HMBOX1: variants seen among roughly 807,000 people sequenced by gnomAD.
HMBOX1 encodes the protein homeobox-containing protein 1.
Under a neutral mutation model 54.5 loss-of-function variants are expected in HMBOX1, and 14 were observed. The observed-to-expected ratio is 0.26, with a 90% confidence interval of 0.17 to 0.40. HMBOX1 has a LOEUF of 0.40. HMBOX1 is among the 10% of genes least tolerant of loss of function. The probability of loss-of-function intolerance (pLI) is 1.00; values close to 1 mark genes in which losing one functional copy is unlikely to be tolerated. For synonymous variants in HMBOX1, 160 were observed against 181.0 expected (o/e 0.88, Z 0.93); for missense variants, 332 against 514.4 (o/e 0.65, Z 3.43).
Position 29,052,160 on chromosome 8 carries a change from T to A in HMBOX1, c.*1005T>A, listed in dbSNP as rs560813497. The A allele has an allele frequency of 6.5e-6, 1 of 153,458 alleles. No individual in the cohort carries two copies. Among genetic ancestry groups the A allele is most frequent in the East Asian group, 1.9e-4 (1 of 5,202 alleles). The allele number at this position is 153,458 out of a possible 1,614,324, so 9.5% of individuals were successfully genotyped here. On this transcript the variant is annotated 3_prime_UTR_variant, in exon 10 of 10. Transcript: ENST00000287701. ...AGTGAAAAAACTTGCAGTGTTTGTATCCATTAAACGGAAGCCCCCTCACTC... is the reference window on the plus strand; with the variant it reads ...AGTGAAAAAACTTGCAGTGTTTGTAACCATTAAACGGAAGCCCCCTCACTC...
chr8:28,957,848 C>T (rs1370782615), intron 1 of HMBOX1, among the ~76,000 whole-genome samples: 1 of 152,106 alleles, frequency 6.6e-6, no homozygotes, highest in Non-Finnish European at 1.5e-5. Context: ...GTCTCGAGCT[C>T]TTGACCTCAA....
intron 4 of HMBOX1, among the ~76,000 whole-genome samples, chr8:29,008,553 A>G (rs780209462): frequency 1.4e-4 from 21 of 152,294 alleles, no homozygotes; most frequent in Non-Finnish European, 2.6e-4. Context: ...GAATTAACAA[A>G]TAAGCCAAAA....
At position 29,028,766 on chromosome 8, in the gene HMBOX1, G is replaced by A. The variant is rs187089340; in HGVS notation, c.851+9853G>A. On this transcript the variant is annotated intron_variant, in intron 6 of 9. Coordinates refer to ENST00000287701, the MANE Select transcript of HMBOX1 (RefSeq NM_001135726.3). ...GATCTGCAGTAATACTTTCATATGT[G>A]TAAATAATGACAAAAGAGACTCATA... 4.6e-5 allele frequency among the ~76,000 whole-genome samples: 7 copies of A among 152,266 alleles called. No individual in the cohort carries two copies. In the East Asian group the frequency reaches 1.2e-3, roughly 25 times the overall value.
intron 1 of HMBOX1, among the ~76,000 whole-genome samples, chr8:28,919,874 A>T (rs373339116): frequency 1.3e-5 from 2 of 152,222 alleles, no homozygotes; most frequent in East Asian, 3.8e-4. Flanking sequence ...TGTAAAATGA[A>T]TACTCAAGAG....
intron 4 of HMBOX1, among the ~76,000 whole-genome samples, chr8:28,985,522 T>C (rs1024623036): frequency 6.6e-5 from 10 of 152,210 alleles, no homozygotes; most frequent in Non-Finnish European, 1.3e-4. Context: ...AAGTTGTAAA[T>C]GCATTTTATC....
chr8:28,991,451 T>A (rs573259719), intron 4 of HMBOX1, among the ~76,000 whole-genome samples: 1 of 152,326 alleles, frequency 6.6e-6, no homozygotes, highest in Admixed American at 6.5e-5. Flanking sequence ...TAGTAGTTTT[T>A]AAAATATTGA....
chr8:28,954,407 A>T (rs1824036570), intron 1 of HMBOX1, among the ~76,000 whole-genome samples: 1 of 152,128 alleles, frequency 6.6e-6, no homozygotes, highest in Non-Finnish European at 1.5e-5. Context: ...TCTCCCAATG[A>T]TGGCTTGCTT....
intron 1 of HMBOX1, among the ~76,000 whole-genome samples, chr8:28,955,410 A>G (rs927755850): frequency 2.6e-5 from 4 of 152,138 alleles, no homozygotes; most frequent in African/African-American, 9.7e-5. Flanking sequence ...CTGCCTTTAG[A>G]TACGCAAACT....
intron 5 of HMBOX1, among the ~76,000 whole-genome samples, chr8:29,015,187 T>C (rs973766146): frequency 6.6e-6 from 1 of 152,198 alleles, no homozygotes; most frequent in Admixed American, 6.5e-5. Flanking sequence ...ACCATTATTA[T>C]TAGTTGGCTT....
intron 1 of HMBOX1, among the ~76,000 whole-genome samples, chr8:28,958,939 T>TG (rs1164033711): frequency 1.3e-5 from 2 of 152,320 alleles, no homozygotes; most frequent in East Asian, 3.9e-4. Flanking sequence ...GGACCACTCT[T>TG]GCATTTCTGC....
intron 6 of HMBOX1, 107 bp from the exon 7 acceptor site, chr8:29,045,254 C>A: frequency 1.2e-6 from 1 of 837,750 alleles, no homozygotes; most frequent in Non-Finnish European, 2.0e-6. Flanking sequence ...TGGACCTAGA[C>A]ACTTGAGTGT....
intron 1 of HMBOX1, among the ~76,000 whole-genome samples, chr8:28,904,552 A>G (rs1411154115): frequency 7.2e-5 from 11 of 152,104 alleles, no homozygotes; most frequent in Non-Finnish European, 1.6e-4. Context: ...AATCTTTTAC[A>G]GTAGTCTCAC....
intron 6 of HMBOX1, among the ~76,000 whole-genome samples, chr8:29,036,846 A>G (rs1237749247): frequency 6.6e-6 from 1 of 152,174 alleles, no homozygotes; most frequent in Non-Finnish European, 1.5e-5. Flanking sequence ...CTCATTTGCA[A>G]AGTTCATGTC....
At chr8:28,995,938 TAAA>T (rs937134553) in intron 4 of HMBOX1, among the ~76,000 whole-genome samples, 2 of 150,478 alleles carry the variant, frequency 1.3e-5, no homozygotes. Context: ...CCGTCTCTAC[TAAA>T]AAAAAATACA....
At chr8:28,899,187 G>A (rs1171610840) in intron 1 of HMBOX1, among the ~76,000 whole-genome samples, 1 of 152,174 alleles carries the variant, frequency 6.6e-6, no homozygotes, top group East Asian at 1.9e-4. Flanking sequence ...AGAATGAGAG[G>A]TAGCCCTGGA....
intron 6 of HMBOX1, among the ~76,000 whole-genome samples, chr8:29,026,722 T>C (rs1802103499): frequency 6.6e-6 from 1 of 152,202 alleles, no homozygotes. Flanking sequence ...TGTGGATGTT[T>C]AGCCAGTGCT....
At chr8:29,031,921 G>C (rs780874328) in intron 6 of HMBOX1, among the ~76,000 whole-genome samples, 1 of 152,180 alleles carries the variant, frequency 6.6e-6, no homozygotes, top group African/African-American at 2.4e-5. Flanking sequence ...GTCCTGGAGA[G>C]CAGTACAGTT....
At chr8:28,955,101 G>T (rs1278291551) in intron 1 of HMBOX1, among the ~76,000 whole-genome samples, 1 of 152,058 alleles carries the variant, frequency 6.6e-6, no homozygotes, top group Non-Finnish European at 1.5e-5. Flanking sequence ...TGGTAATTCA[G>T]AGTTCATTTC....
At chr8:28,927,900 G>T (rs1443731783) in intron 1 of HMBOX1, among the ~76,000 whole-genome samples, 3 of 150,886 alleles carry the variant, frequency 2.0e-5, no homozygotes, top group Admixed American at 6.6e-5. Flanking sequence ...ACTTTGAGAG[G>T]CTGAGGCAGA....
Sources: allele counts gnomAD v4.1 joint callset (sites outside exome capture counted in the v4.1 genomes callset), GRCh38; gene constraint gnomAD v4.1.1; transcripts MANE v1.5; gene names NCBI Gene and HGNC (gene_info 2026-07-23, HGNC 2026-07-21).